Variants in NUDT6 observed in about 807,000 individuals in gnomAD.
NUDT6 encodes FAD diphosphatase NUDT6.
A neutral mutation model predicts 36.8 loss-of-function variants in NUDT6; 24 were observed. That is an observed-to-expected ratio of 0.65 (90% CI 0.47 to 0.92). The LOEUF is 0.92. Among genes scored for constraint, NUDT6 ranks in the 40% least tolerant of loss-of-function variants. The pLI is 0.00. For synonymous variants in NUDT6, 163 were observed against 157.0 expected (o/e 1.04, Z -0.29); for missense variants, 388 against 392.8 (o/e 0.99, Z 0.10).
At chr4:122,903,155 A>G (rs1727556624) in intron 3 of NUDT6, among the ~76,000 whole-genome samples, 1 of 152,136 alleles carries the variant, frequency 6.6e-6, no homozygotes, top group Non-Finnish European at 1.5e-5. Context: ...TTAATTCTTA[A>G]TTTTCATATT....
chr4:122,912,856 T>G (rs1727757982), intron 2 of NUDT6, among the ~76,000 whole-genome samples: 1 of 152,240 alleles, frequency 6.6e-6, no homozygotes, highest in Admixed American at 6.5e-5. Context: ...GGACCCAAGT[T>G]TAAACATGAA....
intron 2 of NUDT6, among the ~76,000 whole-genome samples, chr4:122,914,947 A>G (rs1273995049): frequency 1.3e-5 from 2 of 152,160 alleles, no homozygotes; most frequent in Non-Finnish European, 2.9e-5. Flanking sequence ...AATGCCATAA[A>G]GAAACATAGA....
At chr4:122,913,393 T>C (rs532898133) in intron 2 of NUDT6, 7 of 152,264 alleles carry the variant, frequency 4.6e-5, no homozygotes, top group Middle Eastern at 3.4e-3. Context: ...CATGATCTAG[T>C]CACCTCCCAA....
At chr4:122,900,785 C>T (rs1375298731) in intron 3 of NUDT6, among the ~76,000 whole-genome samples, 3 of 152,182 alleles carry the variant, frequency 2.0e-5, no homozygotes, top group Admixed American at 1.3e-4. Flanking sequence ...TTCCAGGGCT[C>T]ACGAATGTGG....
chr4:122,906,090 G>A (rs113215883), intron 3 of NUDT6, among the ~76,000 whole-genome samples: 1 of 152,270 alleles, frequency 6.6e-6, no homozygotes, highest in South Asian at 2.1e-4. Flanking sequence ...CTCTTTTCCT[G>A]TTAGGGGATT....
At chr4:122,894,280 A>G (rs1727282432) in intron 4 of NUDT6, 1 of 152,234 alleles carries the variant, frequency 6.6e-6, no homozygotes, top group Non-Finnish European at 1.5e-5. Context: ...CATGGTTAGA[A>G]ACAACTGAAA....
rs180932201 is a variant in NUDT6, at chr4:122,916,761, G to C, written c.442+740C>G. ...CCCCTTGTCCAGTTTTGCTTTCTGT[G>C]ATTTCAGTTATACAAGGTCAACCAT... On this transcript the variant is annotated intron_variant, in intron 2 of 4. Transcript: ENST00000304430. Among the ~76,000 whole-genome samples the C allele has an allele frequency of 6.5e-4, 99 of 152,246 alleles. 1 individual carries two copies. The highest frequency in any genetic ancestry group is 2.3e-3 in the African/African-American group (96 of 41,548).
chr4:122,907,892 G>A (rs1286936370), intron 3 of NUDT6, among the ~76,000 whole-genome samples: 1 of 152,086 alleles, frequency 6.6e-6, no homozygotes, highest in Non-Finnish European at 1.5e-5. Context: ...AGGTATGGGC[G>A]ATTTGGTGCA....
At chr4:122,917,803 T>A in intron 1 of NUDT6, 99 bp from the exon 2 acceptor site, 1 of 1,056,246 alleles carries the variant, frequency 9.5e-7, no homozygotes, top group Non-Finnish European at 1.4e-6. Flanking sequence ...AAACCATCTT[T>A]AAGCAAAAGA....
intron 3 of NUDT6, among the ~76,000 whole-genome samples, chr4:122,898,912 A>T (rs45477502): frequency 0.022 from 3,298 of 152,146 alleles, 61 homozygotes; most frequent in Non-Finnish European, 0.036. Flanking sequence ...ACAGGGTCTC[A>T]TTCTGCTGGC....
intron 3 of NUDT6, among the ~76,000 whole-genome samples, chr4:122,909,697 C>A (rs1727695191): frequency 6.6e-6 from 1 of 152,050 alleles, no homozygotes; most frequent in Non-Finnish European, 1.5e-5. Context: ...CTAAGAGCCA[C>A]CAAATAAACC....
rs775441396 is a variant in NUDT6, at chr4:122,922,378, C to A, written c.195G>T (p.Ala65=). The change falls in exon 1 of 5, where the codon GCG becomes GCT. Residue 65 remains alanine (A), a synonymous_variant. Coordinates refer to ENST00000304430, the MANE Select transcript of NUDT6 (RefSeq NM_007083.5). ...GISVRLARLD[A]LDRLDAAAFQ... is the part of the protein sequence containing the mutation. ...AGGCGGCAGCGTCCAGGCGGTCCAG[C>A]GCATCGAGCCGCGCCAGGCGCACCG... The A allele has an allele frequency of 6.2e-7, 1 of 1,606,662 alleles. No homozygotes were observed.
At chr4:122,904,624 T>C (rs28485906) in intron 3 of NUDT6, among the ~76,000 whole-genome samples, 23,920 of 152,068 alleles carry the variant, frequency 0.16, 2,272 homozygotes, top group African/African-American at 0.26. Flanking sequence ...GCCCAGCTAA[T>C]TTTTGTATTT....
intron 3 of NUDT6, among the ~76,000 whole-genome samples, chr4:122,905,106 A>G (rs548471339): frequency 6.6e-6 from 1 of 152,248 alleles, no homozygotes; most frequent in East Asian, 1.9e-4. Context: ...GTCCCTGCCC[A>G]TGTCCTGCTG....
At chr4:122,903,013 T>C (rs1017359813) in intron 3 of NUDT6, among the ~76,000 whole-genome samples, 25 of 152,180 alleles carry the variant, frequency 1.6e-4, no homozygotes, top group African/African-American at 5.3e-4. Flanking sequence ...AATCTACATC[T>C]AATTTATTAA....
At chr4:122,922,269 G>A in intron 1 of NUDT6, 66 bp downstream of exon 1, 1 of 1,403,216 alleles carries the variant, frequency 7.1e-7, no homozygotes, top group Non-Finnish European at 9.7e-7. Flanking sequence ...TAGGGAGTGG[G>A]GGCCGCGGTT....
rs764073917 is a variant in NUDT6, at chr4:122,892,946, C to T, written c.833G>A (p.Gly278Glu). 4 of 1,614,048 alleles carry T rather than the reference C, an allele frequency of 2.5e-6. No homozygotes were observed. The highest frequency in any genetic ancestry group is 3.4e-6 in the Non-Finnish European group (4 of 1,180,000). Residue 278 changes from glycine to glutamate, a missense_variant, in exon 5 of 5, where the codon GGG becomes GAG. Gly to Glu is a moderately conservative substitution (Grantham distance 98, BLOSUM62 -2). Transcript: ENST00000304430. ...ARLLLYGYRE[G>E]FDKIDLTVEE... ...CACAGTCAGGTCAATTTTGTCAAAC[C>T]CTTCTCTGTACCCATACAGCAGCAG...
rs140973799 is a variant in NUDT6, at chr4:122,892,988, G to A, written c.791C>T (p.Thr264Ile). ...CAGCAGCAGCCTAGCAACTCTGCTG[G>A]TGATGGGAGTTGTATTTTCAGTCTT... ...LAKTENTTPI[T>I]SRVARLLLYG... The change falls in exon 5 of 5, where the codon ACC (threonine) becomes ATC (isoleucine). Residue 264 changes from threonine to isoleucine, a missense_variant. Transcript: ENST00000304430. The A allele has an allele frequency of 4.7e-4, 754 of 1,614,010 alleles. 1 individual carries two copies. The highest frequency in any genetic ancestry group is 5.9e-4 in the Non-Finnish European group (699 of 1,180,030).
At chr4:122,896,586 T>C (rs1325038010) in intron 4 of NUDT6, 1 of 152,168 alleles carries the variant, frequency 6.6e-6, no homozygotes, top group African/African-American at 2.4e-5. Flanking sequence ...TCATCTTTTA[T>C]ATCAACAGAA....
Sources: allele counts gnomAD v4.1 joint callset (sites outside exome capture counted in the v4.1 genomes callset), GRCh38; gene constraint gnomAD v4.1.1; transcripts MANE v1.5; gene names NCBI Gene and HGNC (gene_info 2026-07-23, HGNC 2026-07-21).